ME1: variants seen among roughly 807,000 people sequenced by gnomAD.
The protein encoded by ME1 is malic enzyme 1.
ME1 carries 74 observed loss-of-function variants against 66.4 expected under a neutral mutation model. The ratio of observed to expected loss-of-function variants is 1.11; its 90% CI spans 0.92 to 1.35. ME1 has a LOEUF of 1.35. ME1 is among the 40% of genes most tolerant of loss of function. The probability of loss-of-function intolerance (pLI) is 0.00; values close to 1 mark genes in which losing one functional copy is unlikely to be tolerated. For synonymous variants in ME1, 251 were observed against 235.6 expected (o/e 1.07, Z -0.60); for missense variants, 750 against 694.1 (o/e 1.08, Z -0.90).
At chr6:83,293,218 T>G (rs1229886104) in intron 6 of ME1, among the ~76,000 whole-genome samples, 2 of 152,200 alleles carry the variant, frequency 1.3e-5, no homozygotes, top group Non-Finnish European at 2.9e-5. Flanking sequence ...ATCACCCATC[T>G]TCTGCATCGA....
At chr6:83,256,655 C>A (rs118026421) in intron 6 of ME1, among the ~76,000 whole-genome samples, 2,703 of 151,960 alleles carry the variant, frequency 0.018, 40 homozygotes, top group Admixed American at 0.028. Context: ...GATCTAGAAT[C>A]AGAAATCCCA....
At chr6:83,378,095 A>G (rs1238040229) in intron 3 of ME1, among the ~76,000 whole-genome samples, 1 of 152,016 alleles carries the variant, frequency 6.6e-6, no homozygotes, top group Non-Finnish European at 1.5e-5. Flanking sequence ...TTTTTTTTAA[A>G]GGACACGAGC....
Position 83,269,404 on chromosome 6 carries a change from G to T in ME1, c.705-15666C>A, listed in dbSNP as rs1202868000. Among the ~76,000 whole-genome samples, 6 of 152,046 alleles carry T rather than the reference G, an allele frequency of 3.9e-5. No homozygotes were observed. The East Asian group carries it at 9.6e-4, about 24-fold the overall frequency. On this transcript the variant is annotated intron_variant, in intron 6 of 13. Coordinates refer to ENST00000369705, the MANE Select transcript of ME1 (RefSeq NM_002395.6). ...GATTATATGCCTTTTCCATCATAAA[G>T]TACACCATATTTGGATTTCATAATA...
chr6:83,293,454 T>C (rs896524449), intron 6 of ME1, among the ~76,000 whole-genome samples: 1 of 152,218 alleles, frequency 6.6e-6, no homozygotes, highest in Non-Finnish European at 1.5e-5. Flanking sequence ...AGTTTCTGTT[T>C]CTACTTTCTG....
At position 83,348,995 on chromosome 6, in the gene ME1, A is replaced by AAT. The variant is rs1554269741; in HGVS notation, c.439-2662_439-2661insAT. Among the ~76,000 whole-genome samples, 9 of 144,940 alleles carry AAT rather than the reference A, an allele frequency of 6.2e-5. 1 individual carries two copies. Among genetic ancestry groups the AAT allele is most frequent in the African/African-American group, 2.1e-4 (8 of 37,566 alleles). ...GCAAAACTCTGTCTCAAAAAAAAAA[A>AAT]AAAAAACAAAAAACAAAAAACAGTG... On this transcript the variant is annotated intron_variant, in intron 4 of 13. Coordinates refer to ENST00000369705, the MANE Select transcript of ME1 (RefSeq NM_002395.6).
At position 83,346,240 on chromosome 6, in the gene ME1, G is replaced by C; in HGVS notation, c.533C>G (p.Thr178Arg). The change falls in exon 5 of 14, where the codon ACA (threonine) becomes AGA (arginine). Residue 178 changes from threonine to arginine, a missense_variant. Thr to Arg is a moderately conservative substitution (Grantham distance 71). Transcript: ENST00000369705. ...TTGAGGATTCATCCCTCCGCAAGCT[G>C]TATATAGAGCCAATTTACCCACAGG... ...GIPVGKLALY[T>R]ACGGMNPQEC... 6.2e-7 allele frequency: 1 copy of C among 1,613,516 alleles called. No homozygotes were observed. Among genetic ancestry groups the C allele is most frequent in the Non-Finnish European group, 8.5e-7 (1 of 1,179,650 alleles).
chr6:83,346,998 G>C (rs1768700063), intron 4 of ME1, among the ~76,000 whole-genome samples: 1 of 151,538 alleles, frequency 6.6e-6, no homozygotes, highest in South Asian at 2.1e-4. Flanking sequence ...CTGTCACCCA[G>C]GCTGGAGTGC....
intron 6 of ME1, among the ~76,000 whole-genome samples, chr6:83,254,963 C>T (rs1228294486): frequency 6.6e-6 from 1 of 152,136 alleles, no homozygotes; most frequent in African/African-American, 2.4e-5. Context: ...AATTCAAGGA[C>T]AGTCTCAAAC....
chr6:83,405,957 G>A (rs1355393559), intron 2 of ME1, among the ~76,000 whole-genome samples: 27 of 152,066 alleles, frequency 1.8e-4, no homozygotes, highest in African/African-American at 5.1e-4. Flanking sequence ...TCCTGAACTC[G>A]TGATCCGCCC....
Position 83,252,958 on chromosome 6 carries a change from T to C in ME1, c.814+671A>G, listed in dbSNP as rs145736814. 5.5e-3 allele frequency among the ~76,000 whole-genome samples: 842 copies of C among 152,232 alleles called. 8 individuals carry two copies. The highest frequency in any genetic ancestry group is 0.022 in the South Asian group (108 of 4,820). ...TAAGATAAACACTGAAAAACATTCATTGGAATTAGTGAAATGGAAGCCATT... is the reference window on the plus strand; with the variant it reads ...TAAGATAAACACTGAAAAACATTCACTGGAATTAGTGAAATGGAAGCCATT... On this transcript the variant is annotated intron_variant, in intron 7 of 13. Coordinates refer to ENST00000369705, the MANE Select transcript of ME1 (RefSeq NM_002395.6).
chr6:83,252,770 A>G (rs1404606412), intron 7 of ME1, among the ~76,000 whole-genome samples: 2 of 152,210 alleles, frequency 1.3e-5, no homozygotes, highest in Non-Finnish European at 2.9e-5. Flanking sequence ...TTGTCATTTA[A>G]TAGCTAGACA....
chr6:83,322,441 C>T (rs1457600080), intron 5 of ME1, among the ~76,000 whole-genome samples: 1 of 151,988 alleles, frequency 6.6e-6, no homozygotes, highest in Non-Finnish European at 1.5e-5. Context: ...CTAGAATAAC[C>T]AGATTAGAGA....
chr6:83,278,255 T>TCATTAATTAA (rs1767225573), intron 6 of ME1, among the ~76,000 whole-genome samples: 1 of 152,164 alleles, frequency 6.6e-6, no homozygotes, highest in Non-Finnish European at 1.5e-5. Flanking sequence ...AATGAATTGC[T>TCATTAATTAA]GGAGACTCAG....
intron 3 of ME1, among the ~76,000 whole-genome samples, chr6:83,369,657 AAGGAAGGAAGGAACGAAGGAAGGAAGG>A: frequency 1.6e-5 from 1 of 60,722 alleles, no homozygotes; most frequent in East Asian, 3.5e-4. Context: ...CAGAGAGAGG[AAGGAAGGAAGGAACGAAGGAAGGAAGG>A]AAGGAAGGAA....
chr6:83,409,461 G>C (rs2128552221), intron 1 of ME1, among the ~76,000 whole-genome samples: 1 of 152,294 alleles, frequency 6.6e-6, no homozygotes, highest in Middle Eastern at 3.4e-3. Flanking sequence ...CCCACAGGGA[G>C]GTGACAAACC....
chr6:83,420,456 C>T (rs997445889), intron 1 of ME1, among the ~76,000 whole-genome samples: 1 of 152,182 alleles, frequency 6.6e-6, no homozygotes, highest in African/African-American at 2.4e-5. Context: ...AGCCTACGTT[C>T]CTGATGACTT....
intron 4 of ME1, among the ~76,000 whole-genome samples, chr6:83,348,021 G>T (rs549554493): frequency 6.6e-6 from 1 of 152,108 alleles, no homozygotes; most frequent in African/African-American, 2.4e-5. Flanking sequence ...TTAATTTCCT[G>T]TTCACCTATA....
chr6:83,265,756 A>T (rs73749772), intron 6 of ME1, among the ~76,000 whole-genome samples: 5,403 of 152,226 alleles, frequency 0.035, 331 homozygotes, highest in African/African-American at 0.12. Flanking sequence ...TTCTGTGCAC[A>T]CTTTCAGACC....
intron 5 of ME1, among the ~76,000 whole-genome samples, chr6:83,334,046 C>T (rs905464540): frequency 6.6e-6 from 1 of 152,072 alleles, no homozygotes; most frequent in Non-Finnish European, 1.5e-5. Context: ...GCATTTCCAT[C>T]TGAGGTACCG....
Sources: allele counts gnomAD v4.1 joint callset (sites outside exome capture counted in the v4.1 genomes callset), GRCh38; gene constraint gnomAD v4.1.1; transcripts MANE v1.5; gene names NCBI Gene and HGNC (gene_info 2026-07-23, HGNC 2026-07-21).